The following UBE2G1 variants were observed in gnomAD, a reference collection of about 807,000 sequenced individuals.
UBE2G1 encodes ubiquitin-conjugating enzyme E2 G1.
UBE2G1 carries 5 observed loss-of-function variants against 22.7 expected under a neutral mutation model. That is an observed-to-expected ratio of 0.22 (90% CI 0.12 to 0.46). The LOEUF (loss-of-function observed/expected upper bound fraction) is 0.46. Among genes scored for constraint, UBE2G1 ranks in the 20% least tolerant of loss-of-function variants. The probability of loss-of-function intolerance (pLI) is 0.99; values close to 1 mark genes in which losing one functional copy is unlikely to be tolerated. For missense variants in UBE2G1, 88 were observed against 203.9 expected (o/e 0.43, Z 3.46); for synonymous variants, 74 against 67.5 (o/e 1.10, Z -0.47).
At chr17:4,347,469 C>CTTCTT (rs1365147905) in intron 1 of UBE2G1, among the ~76,000 whole-genome samples, 9 of 89,560 alleles carry the variant, frequency 1.0e-4, no homozygotes, top group African/African-American at 4.3e-4. Context: ...AGTATTTCTT[C>CTTCTT]TTTTTTTTTT....
rs1968723808 is a variant in UBE2G1, at chr17:4,269,419, T to C, written c.*3135A>G. On this transcript the variant is annotated 3_prime_UTR_variant, in exon 6 of 6. Coordinates refer to ENST00000396981, the MANE Select transcript of UBE2G1 (RefSeq NM_003342.5). The stretch of plus-strand genomic sequence containing the variant: ...AAATGAAGCAACATTATGTCAAATT[T>C]CAAAGATGCTGAGAAGTGGCAGTAC... The C allele has an allele frequency of 6.3e-6, 1 of 157,656 alleles. No individual in the cohort carries two copies. Among genetic ancestry groups the C allele is most frequent in the Admixed American group, 6.4e-5 (1 of 15,682 alleles). 9.8% of individuals were successfully genotyped at this position (157,656 alleles called of 1,614,324 possible).
chr17:4,284,815 T>TTTC, intron 4 of UBE2G1, among the ~76,000 whole-genome samples: 1 of 1,978 alleles, frequency 5.1e-4, no homozygotes, highest in African/African-American at 6.1e-4. Flanking sequence ...TTCTTTTTCT[T>TTTC]TTTCTTTTCT....
chr17:4,301,449 T>G (rs1969178780), intron 2 of UBE2G1: 1 of 720,252 alleles, frequency 1.4e-6, no homozygotes, highest in Non-Finnish European at 2.6e-6. Flanking sequence ...TTTCCTTGGC[T>G]TCAGCAGCTA....
rs1968738442 is a variant in UBE2G1, at chr17:4,270,165, A to C, written c.*2389T>G. The C allele has an allele frequency of 6.6e-6, 1 of 152,580 alleles. No individual in the cohort carries two copies. Among genetic ancestry groups the C allele is most frequent in the Non-Finnish European group, 1.5e-5 (1 of 68,012 alleles). 9.5% of individuals were successfully genotyped at this position (152,580 alleles called of 1,614,324 possible). On this transcript the variant is annotated 3_prime_UTR_variant, in exon 6 of 6. Transcript: ENST00000396981. ...AAAAAAAAACCCACATGGTTTTATCAAACTAACTGCATTAAAGTGGCACTT... is the reference window on the plus strand; with the variant it reads ...AAAAAAAAACCCACATGGTTTTATCCAACTAACTGCATTAAAGTGGCACTT...
chr17:4,286,358 T>C (rs1968963307), intron 4 of UBE2G1, among the ~76,000 whole-genome samples: 1 of 150,482 alleles, frequency 6.6e-6, no homozygotes, highest in South Asian at 2.1e-4. Context: ...TGAGCTGAGA[T>C]TGTGCCACTG....
intron 4 of UBE2G1, among the ~76,000 whole-genome samples, chr17:4,284,158 CAAAA>C (rs544931688): frequency 9.2e-6 from 1 of 108,996 alleles, no homozygotes; most frequent in Non-Finnish European, 1.7e-5. Flanking sequence ...CTCCGTCTCT[CAAAA>C]AAAAAAAAAA....
At chr17:4,273,708 C>A (rs1285448492) in intron 5 of UBE2G1, among the ~76,000 whole-genome samples, 1 of 110,812 alleles carries the variant, frequency 9.0e-6, no homozygotes. Flanking sequence ...TTAATATGTG[C>A]TTTGAAAGGG....
intron 5 of UBE2G1, among the ~76,000 whole-genome samples, chr17:4,278,135 A>C (rs779061326): frequency 1.8e-4 from 28 of 152,182 alleles, no homozygotes; most frequent in Admixed American, 2.6e-4. Context: ...CCTGACCTCA[A>C]GTGATCCACC....
At chr17:4,299,903 T>C (rs866659552) in intron 2 of UBE2G1, among the ~76,000 whole-genome samples, 27 of 150,244 alleles carry the variant, frequency 1.8e-4, no homozygotes, top group Middle Eastern at 3.4e-3. Context: ...CTCGGCTCAC[T>C]GCAAGCTCTG....
chr17:4,283,549 T>G (rs1968921551), intron 4 of UBE2G1, among the ~76,000 whole-genome samples: 2 of 151,996 alleles, frequency 1.3e-5, no homozygotes, highest in African/African-American at 4.8e-5. Flanking sequence ...CTCTCCCTAT[T>G]GGAAACAACC....
chr17:4,366,056 T>C lies in UBE2G1; in HGVS notation c.46+215A>G, dbSNP rs1273906984. 2.6e-5 allele frequency among the ~76,000 whole-genome samples: 4 copies of C among 152,042 alleles called. No homozygotes were observed. In the East Asian group the frequency reaches 7.8e-4, roughly 30 times the overall value. ...CCCCCCGGGCGCCAGGCCCAGTCCC[T>C]GGGCCGGAGCTGGGTCGCGTCCCCG... is the stretch of plus-strand genomic sequence containing the variant. On this transcript the variant is annotated intron_variant, in intron 1 of 5. Coordinates refer to ENST00000396981, the MANE Select transcript of UBE2G1 (RefSeq NM_003342.5).
intron 3 of UBE2G1, 63 bp downstream of exon 3, chr17:4,296,654 T>C: frequency 4.8e-6 from 7 of 1,471,590 alleles, no homozygotes; most frequent in East Asian, 4.6e-5. Context: ...CTTATTGACC[T>C]TGAACACTTC....
chr17:4,363,678 C>A (rs1186257964), intron 1 of UBE2G1, among the ~76,000 whole-genome samples: 1 of 152,048 alleles, frequency 6.6e-6, no homozygotes, highest in African/African-American at 2.4e-5. Flanking sequence ...AGAGGCCGGG[C>A]CCGGTGGCTC....
At chr17:4,360,495 A>T (rs1429166687) in intron 1 of UBE2G1, among the ~76,000 whole-genome samples, 2 of 152,218 alleles carry the variant, frequency 1.3e-5, no homozygotes, top group Non-Finnish European at 2.9e-5. Flanking sequence ...CAACAATATA[A>T]TGATAGTCAC....
chr17:4,294,465 G>GA (rs1177864827), intron 3 of UBE2G1, among the ~76,000 whole-genome samples: 20 of 143,714 alleles, frequency 1.4e-4, no homozygotes, highest in African/African-American at 4.2e-4. Flanking sequence ...GAAAAGAAAA[G>GA]AAAAAAAAGT....
intron 1 of UBE2G1, among the ~76,000 whole-genome samples, chr17:4,325,033 C>G (rs1446787157): frequency 6.6e-6 from 1 of 151,732 alleles, no homozygotes; most frequent in Non-Finnish European, 1.5e-5. Context: ...GCCAAGATCG[C>G]GCCACTGCAC....
chr17:4,312,689 C>T (rs368402104), intron 1 of UBE2G1, among the ~76,000 whole-genome samples: 35 of 100,434 alleles, frequency 3.5e-4, no homozygotes, highest in African/African-American at 1.0e-3. Context: ...GAGCAAGACT[C>T]CATCTCAAAA....
At chr17:4,336,125 C>T (rs1313135505) in intron 1 of UBE2G1, among the ~76,000 whole-genome samples, 1 of 151,868 alleles carries the variant, frequency 6.6e-6, no homozygotes. Flanking sequence ...CCAGCCTGGG[C>T]GACAGAGCTA....
intron 4 of UBE2G1, 28 bp downstream of exon 4, chr17:4,289,202 G>A (rs1969006342): frequency 6.7e-7 from 1 of 1,485,710 alleles, no homozygotes; most frequent in African/African-American, 1.4e-5. Flanking sequence ...GGAAAGTGAA[G>A]GGAAGGGAAG....
Sources: allele counts gnomAD v4.1 joint callset (sites outside exome capture counted in the v4.1 genomes callset), GRCh38; gene constraint gnomAD v4.1.1; transcripts MANE v1.5; gene names NCBI Gene and HGNC (gene_info 2026-07-23, HGNC 2026-07-21).